DNAJC24: variants seen among roughly 807,000 people sequenced by gnomAD.
DNAJC24 encodes dnaJ homolog subfamily C member 24.
A neutral mutation model predicts 18.0 loss-of-function variants in DNAJC24; 17 were observed. The ratio of observed to expected loss-of-function variants is 0.94; its 90% CI spans 0.65 to 1.42. The LOEUF (loss-of-function observed/expected upper bound fraction) is 1.42, where lower values mean the gene tolerates loss of function less well. Ranked by LOEUF, DNAJC24 falls within the 40% of genes most tolerant of loss-of-function variation. DNAJC24 has a pLI of 0.00. For synonymous variants in DNAJC24, 55 were observed against 57.7 expected, an observed-to-expected ratio of 0.95 and a Z score of 0.21; for missense variants, 158 against 175.6, an observed-to-expected ratio of 0.90 and a Z score of 0.57.
At chr11:31,415,092 A>G in intron 3 of DNAJC24, 143 bp downstream of exon 3, 1 of 875,782 alleles carries the variant, frequency 1.1e-6, no homozygotes, top group East Asian at 2.7e-5. Context: ...GTTTTTAATT[A>G]TGCCCTATTC....
intron 2 of DNAJC24, among the ~76,000 whole-genome samples, chr11:31,389,355 G>A (rs1952464713): frequency 6.6e-6 from 1 of 151,880 alleles, no homozygotes; most frequent in Admixed American, 6.6e-5. Flanking sequence ...AAGAGTAAAA[G>A]GAGCTATACT....
chr11:31,430,323 C>G lies in DNAJC24; in HGVS notation c.372C>G (p.Ser124=), dbSNP rs1393454402. 1 of 1,610,656 alleles carries G rather than the reference C, an allele frequency of 6.2e-7. No individual in the cohort carries two copies. Among genetic ancestry groups the G allele is most frequent in the Non-Finnish European group, 8.5e-7 (1 of 1,177,942 alleles). The change falls in exon 5 of 5, where the codon TCC becomes TCG. Residue 124 remains serine (S), a synonymous_variant. Coordinates refer to ENST00000465995, the MANE Select transcript of DNAJC24 (RefSeq NM_181706.5). ...GATGTGGTGGAAAATACAGTGTTTC[C>G]AAGGATGAAGCGGAAGAAGTTAGCC... ...SCRCGGKYSV[S]KDEAEEVSLI... is the part of the protein sequence containing the mutation.
chr11:31,397,246 G>A (rs1345678661), intron 2 of DNAJC24, among the ~76,000 whole-genome samples: 1 of 152,134 alleles, frequency 6.6e-6, no homozygotes, highest in Non-Finnish European at 1.5e-5. Context: ...CTTGTTGTAA[G>A]GTAGTAAATA....
chr11:31,398,925 C>T (rs542895618), intron 2 of DNAJC24, among the ~76,000 whole-genome samples: 1 of 152,260 alleles, frequency 6.6e-6, no homozygotes, highest in South Asian at 2.1e-4. Context: ...CATCTTTTCC[C>T]TGAACCCAGA....
chr11:31,370,783 G>A lies in DNAJC24; in HGVS notation c.35G>A (p.Trp12Ter). 1 of 1,611,030 alleles carries A rather than the reference G, an allele frequency of 6.2e-7. No individual in the cohort carries two copies. Among genetic ancestry groups the A allele is most frequent in the Non-Finnish European group, 8.5e-7 (1 of 1,178,966 alleles). Residue 12 changes from tryptophan (W) to a stop codon, truncating the protein, a stop_gained, in exon 2 of 5, where the codon TGG (tryptophan) becomes TAG (stop). Transcript: ENST00000465995. LOFTEE classifies it high-confidence loss of function. ...GTTGAGCAGATGCCAAAAAAGGATTGGTACAGCATCCTGGGAGCAGACCCA... is the reference window on the plus strand; with the variant it reads ...GTTGAGCAGATGCCAAAAAAGGATTAGTACAGCATCCTGGGAGCAGACCCA... The part of the protein sequence containing the change: ...MAVEQMPKKD[W>*]YSILGADPSA...
At chr11:31,410,646 ATTACTT>A (rs1952699823) in intron 2 of DNAJC24, among the ~76,000 whole-genome samples, 1 of 152,154 alleles carries the variant, frequency 6.6e-6, no homozygotes. Flanking sequence ...GCCTTTATGG[ATTACTT>A]TTATGTGTAT....
At position 31,430,483 on chromosome 11, in the gene DNAJC24, G is replaced by A; in HGVS notation, c.*82G>A. 1.6e-6 allele frequency: 2 copies of A among 1,278,308 alleles called. No individual in the cohort carries two copies. Among genetic ancestry groups the A allele is most frequent in the East Asian group, 2.6e-5 (1 of 38,904 alleles). 79.2% of individuals were successfully genotyped at this position (1,278,308 alleles called of 1,614,324 possible). ...TTGAGCTTTGTCCATTCAAGGAAAT[G>A]GATTATTTGTCAGCCCGATTATTTG... On this transcript the variant is annotated 3_prime_UTR_variant, in exon 5 of 5. Coordinates refer to ENST00000465995, the MANE Select transcript of DNAJC24 (RefSeq NM_181706.5).
At chr11:31,398,634 C>T (rs773999800) in intron 2 of DNAJC24, among the ~76,000 whole-genome samples, 2 of 151,758 alleles carry the variant, frequency 1.3e-5, no homozygotes, top group Non-Finnish European at 2.9e-5. Context: ...TGTTTTTTTC[C>T]CATCTCAGGG....
intron 2 of DNAJC24, among the ~76,000 whole-genome samples, chr11:31,392,653 G>A (rs1477863840): frequency 1.3e-5 from 2 of 151,494 alleles, no homozygotes; most frequent in East Asian, 3.9e-4. Context: ...TGGGGCCCTT[G>A]TGAATGAGAT....
At chr11:31,412,483 AGT>A (rs1253192066) in intron 2 of DNAJC24, among the ~76,000 whole-genome samples, 6 of 152,146 alleles carry the variant, frequency 3.9e-5, no homozygotes, top group Non-Finnish European at 4.4e-5. Flanking sequence ...GACAATTCTT[AGT>A]GTAGTGTTAG....
At chr11:31,418,157 T>C (rs1157936956) in intron 3 of DNAJC24, among the ~76,000 whole-genome samples, 1 of 152,122 alleles carries the variant, frequency 6.6e-6, no homozygotes, top group East Asian at 1.9e-4. Flanking sequence ...ATTAAACTTA[T>C]TGTTTCTGAG....
In DNAJC24 at chr11:31,379,874, C is replaced by G. The variant is rs1259355752; in HGVS notation, c.111+9015C>G. Among the ~76,000 whole-genome samples the G allele has an allele frequency of 3.9e-5, 6 of 152,126 alleles. No homozygotes were observed. In the East Asian group the frequency reaches 1.2e-3, roughly 29 times the overall value. The stretch of plus-strand genomic sequence containing the variant: ...CCAGGTTCAAGCGATTCTCCTCCCT[C>G]AGCCTCCCAAGTAGCTGGGATTACA... On this transcript the variant is annotated intron_variant, in intron 2 of 4. Coordinates refer to ENST00000465995, the MANE Select transcript of DNAJC24 (RefSeq NM_181706.5).
chr11:31,402,640 C>G (rs1248512163), intron 2 of DNAJC24, among the ~76,000 whole-genome samples: 3 of 152,044 alleles, frequency 2.0e-5, no homozygotes, highest in Non-Finnish European at 2.9e-5. Context: ...TCTTGGGTAG[C>G]TAGGACTGCA....
intron 3 of DNAJC24, chr11:31,416,372 C>T (rs1952751688): frequency 6.6e-6 from 1 of 152,100 alleles, no homozygotes; most frequent in South Asian, 2.1e-4. Flanking sequence ...AACCTTGGTT[C>T]ACATGATTTC....
intron 3 of DNAJC24, chr11:31,415,346 ACAT>A (rs1347951772): frequency 1.3e-5 from 2 of 153,834 alleles, no homozygotes; most frequent in Non-Finnish European, 2.9e-5. Flanking sequence ...ATATCAGATG[ACAT>A]CATAAAGCAC....
chr11:31,370,702 A>C lies in DNAJC24; in HGVS notation c.-33-14A>C. 7.8e-7 allele frequency: 1 copy of C among 1,284,324 alleles called. No homozygotes were observed. Among genetic ancestry groups the C allele is most frequent in the Non-Finnish European group, 1.1e-6 (1 of 911,264 alleles). 79.6% of individuals were successfully genotyped at this position (1,284,324 alleles called of 1,614,324 possible). A position where few individuals can be genotyped will look rare whatever the true frequency, so the allele number is the denominator to read the frequency against. ...GGCAAACTGTGATGAATTGTCATTA[A>C]TATTTCTATTCAGCTAATCTGAGAA... On this transcript the variant is annotated splice_polypyrimidine_tract_variant and intron_variant, in intron 1 of 4. Coordinates refer to ENST00000465995, the MANE Select transcript of DNAJC24 (RefSeq NM_181706.5).
chr11:31,418,100 G>T (rs117267223), intron 3 of DNAJC24, among the ~76,000 whole-genome samples: 2 of 152,134 alleles, frequency 1.3e-5, no homozygotes, highest in East Asian at 3.9e-4. Context: ...TATACATTTC[G>T]AAAGCAATGT....
chr11:31,381,889 A>G (rs1209642844), intron 2 of DNAJC24, among the ~76,000 whole-genome samples: 1 of 152,146 alleles, frequency 6.6e-6, no homozygotes, highest in East Asian at 1.9e-4. Flanking sequence ...CAAAACATTT[A>G]AAAATACAAA....
intron 2 of DNAJC24, among the ~76,000 whole-genome samples, chr11:31,389,169 A>T (rs1952461851): frequency 6.6e-6 from 1 of 152,182 alleles, no homozygotes; most frequent in Non-Finnish European, 1.5e-5. Flanking sequence ...ATCAATAATA[A>T]CATTGAATGT....
Sources: gnomAD v4.1 joint callset for allele counts (sites outside exome capture counted in the v4.1 genomes callset) on GRCh38, gnomAD v4.1.1 for gene constraint, MANE v1.5 for transcripts, NCBI Gene and HGNC (gene_info 2026-07-23, HGNC 2026-07-21) for gene names.